TADA3: variants seen among roughly 807,000 people sequenced by gnomAD.
TADA3 encodes transcriptional adaptor 3.
In TADA3, 25 loss-of-function variants were observed where a neutral mutation model predicts 43.2. The ratio of observed to expected loss-of-function variants is 0.58; its 90% CI spans 0.42 to 0.81. TADA3 has a LOEUF of 0.81. Ranked by LOEUF, TADA3 falls within the 30% of genes least tolerant of loss-of-function variation. The pLI, the probability that TADA3 is intolerant of heterozygous loss-of-function variation, is 0.00. For synonymous variants in TADA3, 235 were observed against 225.5 expected (o/e 1.04, Z -0.38); for missense variants, 441 against 567.8 (o/e 0.78, Z 2.27).
Position 9,789,977 on chromosome 3 carries a change from AAAGTG to A in TADA3, c.208-19_208-15del. The A allele has an allele frequency of 6.3e-7, 1 of 1,576,234 alleles. No homozygotes were observed. ...GTCGGTGAGGATCTGAAATTTACAG[AAAGTG>A]TCACTGAGGGGGAGAAGGGAAAACA... On this transcript the variant is annotated splice_polypyrimidine_tract_variant and intron_variant, in intron 2 of 8. Coordinates refer to ENST00000301964, the MANE Select transcript of TADA3 (RefSeq NM_006354.5).
rs1257453005 is a variant in TADA3 at position 9,789,575 on chromosome 3, G to A, written c.498C>T (p.Thr166=). The part of the protein sequence containing the change: ...ASVEPYCADI[T]SEEVRTLEEL... ...CCTCAAGTGTGCGGACCTCCTCGCT[G>A]GTGATGTCAGCACAGTAGGGCTCCA... The change falls in exon 4 of 9, where the codon ACC becomes ACT. Residue 166 remains threonine (T), a synonymous_variant. Coordinates refer to ENST00000301964, the MANE Select transcript of TADA3 (RefSeq NM_006354.5). 5 of 1,614,036 alleles carry A rather than the reference G, an allele frequency of 3.1e-6. No individual in the cohort carries two copies. The highest frequency in any genetic ancestry group is 3.3e-5 in the Admixed American group (2 of 60,000).
intron 2 of TADA3, among the ~76,000 whole-genome samples, chr3:9,791,039 G>A (rs1041036058): frequency 6.6e-6 from 1 of 152,188 alleles, no homozygotes; most frequent in South Asian, 2.1e-4. Flanking sequence ...GGGGATGAGT[G>A]GGGTGCCAAT....
chr3:9,791,434 G>T lies in TADA3; in HGVS notation c.33C>A (p.Phe11Leu), dbSNP rs2078730346. The T allele has an allele frequency of 6.2e-7, 1 of 1,613,586 alleles. No homozygotes were observed. Among genetic ancestry groups the T allele is most frequent in the Admixed American group, 1.7e-5 (1 of 59,994 alleles). Residue 11 changes from phenylalanine to leucine, a missense_variant, in exon 2 of 9, where the codon TTC (phenylalanine) becomes TTA (leucine). By Grantham distance (22) the Phe-to-Leu change is conservative. Transcript: ENST00000301964. ...GGTGATCCACAGACTTGAAGTCGTG[G>T]AACTGCAAGGGGCAGTCTTTCAACT... MSELKDCPLQ[F>L]HDFKSVDHLK...
At chr3:9,786,536 T>C (rs761928683) in intron 6 of TADA3, among the ~76,000 whole-genome samples, 6 of 152,202 alleles carry the variant, frequency 3.9e-5, no homozygotes, top group Non-Finnish European at 8.8e-5. Flanking sequence ...AATCCTGGTG[T>C]GTGAGACCTC....
chr3:9,782,772 CAGA>C (rs2078508345), intron 8 of TADA3, among the ~76,000 whole-genome samples: 1 of 129,304 alleles, frequency 7.7e-6, no homozygotes, highest in Non-Finnish European at 1.6e-5. Flanking sequence ...GCCTGGGCAA[CAGA>C]GTGAGACACC....
chr3:9,783,898 T>G, intron 8 of TADA3, 130 bp downstream of exon 8: 1 of 1,410,776 alleles, frequency 7.1e-7, no homozygotes, highest in African/African-American at 1.4e-5. Flanking sequence ...GCTGTTTTTT[T>G]CGAGGCTCTC....
intron 7 of TADA3, among the ~76,000 whole-genome samples, chr3:9,784,556 T>G (rs933783718): frequency 5.9e-5 from 9 of 152,112 alleles, no homozygotes; most frequent in African/African-American, 2.2e-4. Context: ...TTCCCTTATG[T>G]GCACATATTT....
intron 4 of TADA3, chr3:9,787,616 A>G: frequency 8.4e-7 from 1 of 1,195,024 alleles, no homozygotes; most frequent in South Asian, 1.4e-5. Context: ...AGATTGTCTC[A>G]GGTCACAGCA....
intron 8 of TADA3, among the ~76,000 whole-genome samples, chr3:9,782,603 C>T (rs1199780982): frequency 6.6e-6 from 1 of 152,184 alleles, no homozygotes; most frequent in Non-Finnish European, 1.5e-5. Context: ...TGCTGGCCCC[C>T]AGCACAATAT....
rs1339362027 is a variant in TADA3 at position 9,792,321 on chromosome 3, GC to G, written c.-134del. The G allele has an allele frequency of 4.7e-6, 1 of 211,116 alleles. No individual in the cohort carries two copies. Among genetic ancestry groups the G allele is most frequent in the Admixed American group, 6.4e-5 (1 of 15,606 alleles). 13.1% of individuals were successfully genotyped at this position (211,116 alleles called of 1,614,324 possible). ...TAATGGCTGGCCCCGCCCGGGGGTCGCCCAAATGTCCCGCCTTCAGAGTCCT... is the reference window on the plus strand; with the variant it reads ...TAATGGCTGGCCCCGCCCGGGGGTCGCCAAATGTCCCGCCTTCAGAGTCCT... On this transcript the variant is annotated 5_prime_UTR_variant, in exon 1 of 9. Transcript: ENST00000301964.
intron 4 of TADA3, among the ~76,000 whole-genome samples, chr3:9,789,063 T>C (rs1362755957): frequency 6.6e-6 from 1 of 151,912 alleles, no homozygotes; most frequent in African/African-American, 2.4e-5. Flanking sequence ...CTCAAATTCC[T>C]GAGCTCAAGC....
intron 2 of TADA3, among the ~76,000 whole-genome samples, chr3:9,790,782 G>A (rs2078710425): frequency 6.6e-6 from 1 of 152,194 alleles, no homozygotes; most frequent in Non-Finnish European, 1.5e-5. Flanking sequence ...TAGGGAAACT[G>A]ACACTCAGAG....
chr3:9,784,492 C>T (rs2078558291), intron 7 of TADA3, among the ~76,000 whole-genome samples: 1 of 151,842 alleles, frequency 6.6e-6, no homozygotes, highest in African/African-American at 2.4e-5. Flanking sequence ...ATATATATTC[C>T]AGATTTTGTT....
rs1027529197 is a variant in TADA3 at position 9,792,407 on chromosome 3, C to T, written c.-219G>A. ...CCCTCTACCTCCTCGCTGCGGCCTC[C>T]TACGGCCCCAGGGGCCGCGGGAGGG... On this transcript the variant is annotated 5_prime_UTR_variant, in exon 1 of 9. Transcript: ENST00000301964. The T allele has an allele frequency of 2.1e-6, 2 of 947,114 alleles. No individual in the cohort carries two copies. The highest frequency in any genetic ancestry group is 2.6e-6 in the Non-Finnish European group (2 of 772,164). 58.7% of individuals were successfully genotyped at this position (947,114 alleles called of 1,614,324 possible). A position where few individuals can be genotyped will look rare whatever the true frequency, so the allele number is the denominator to read the frequency against.
rs781431127 is a variant in TADA3 at position 9,785,308 on chromosome 3, C to T, written c.920+8G>A. 6 of 1,609,152 alleles carry T rather than the reference C, an allele frequency of 3.7e-6. No homozygotes were observed. The Admixed American group carries it at 6.7e-5, about 18-fold the overall frequency. ...CAGACTGTGGGTTGTGGATAGGACA[C>T]CACTCACCTGAAGGGCTTGTTCTGA... is the stretch of plus-strand genomic sequence containing the variant. On this transcript the variant is annotated splice_region_variant and intron_variant, in intron 7 of 8. Coordinates refer to ENST00000301964, the MANE Select transcript of TADA3 (RefSeq NM_006354.5).
chr3:9,786,412 C>T (rs1223026916), intron 6 of TADA3, among the ~76,000 whole-genome samples: 2 of 152,132 alleles, frequency 1.3e-5, no homozygotes, highest in Non-Finnish European at 2.9e-5. Context: ...ATGAGATAAA[C>T]TCTTGTGTTT....
upstream of TADA3, chr3:9,792,643 G>T: frequency 8.1e-7 from 1 of 1,231,010 alleles, no homozygotes; most frequent in East Asian, 3.2e-5. Flanking sequence ...GGGGCGGGAG[G>T]CGGAGCTTGG....
Position 9,780,542 on chromosome 3 carries a change from T to C in TADA3, c.1114A>G (p.Lys372Glu), listed in dbSNP as rs2078434645. 3 of 1,601,828 alleles carry C rather than the reference T, an allele frequency of 1.9e-6. No homozygotes were observed. Among genetic ancestry groups the C allele is most frequent in the Non-Finnish European group, 2.5e-6 (3 of 1,179,440 alleles). Residue 372 changes from lysine (K) to glutamate (E), a missense_variant, in exon 9 of 9, where the codon AAG becomes GAG. Coordinates refer to ENST00000301964, the MANE Select transcript of TADA3 (RefSeq NM_006354.5). ...TKKHDLLRLA[K>E]EEVSRQELRQ... ...AGCTCCTGCCGGCTCACCTCCTCCT[T>C]TGCCAGCCTGTGGGGACCAGCCAGC...
At chr3:9,792,598 G>C (rs981450965), upstream of TADA3, 17 of 1,230,424 alleles carry the variant, frequency 1.4e-5, no homozygotes, top group African/African-American at 1.6e-5. Flanking sequence ...TGGGGTGCGG[G>C]TGGTCGGCCT....
Sources: allele counts gnomAD v4.1 joint callset (sites outside exome capture counted in the v4.1 genomes callset), GRCh38; gene constraint gnomAD v4.1.1; transcripts MANE v1.5; gene names NCBI Gene and HGNC (gene_info 2026-07-23, HGNC 2026-07-21).